The following VPS52 variants were observed in gnomAD, a reference collection of about 807,000 sequenced individuals.
VPS52 encodes VPS52 subunit of GARP complex.
In VPS52, 56 loss-of-function variants were observed where a neutral mutation model predicts 98.7. The observed-to-expected ratio is 0.57, with a 90% CI of 0.46 to 0.71. The LOEUF is 0.71. VPS52 is among the 30% of genes least tolerant of loss of function. VPS52 has a pLI of 0.00. For synonymous variants in VPS52, 348 were observed against 346.4 expected, an observed-to-expected ratio of 1.00 and a Z score of -0.05; for missense variants, 742 against 925.9, an observed-to-expected ratio of 0.80 and a Z score of 2.58.
At position 33,263,291 on chromosome 6, in the gene VPS52, A is replaced by T. The variant is rs562809762; in HGVS notation, c.1794+193T>A. 3.9e-3 allele frequency among the ~76,000 whole-genome samples: 580 copies of T among 150,064 alleles called. 4 individuals are homozygous for T. The highest frequency in any genetic ancestry group is 6.0e-3 in the Non-Finnish European group (403 of 67,542). On this transcript the variant is annotated intron_variant, in intron 17 of 19. Transcript: ENST00000445902. ...AAAAAAAAAAAAAAAAAAACCAAAG[A>T]CAAAATAAAATAAAATAGACCAATA...
Position 33,269,554 on chromosome 6 carries a change from A to G in VPS52, c.308T>C (p.Ile103Thr), listed in dbSNP as rs753837888. Residue 103 changes from isoleucine (I) to threonine (T), a missense_variant, in exon 5 of 20, where the codon ATT (isoleucine) becomes ACT (threonine). Coordinates refer to ENST00000445902, the MANE Select transcript of VPS52 (RefSeq NM_022553.6). ...QIEQKSIRDY[I>T]QESENIASLH... ...AGATGCTATATTCTCACTCTCTTGA[A>G]TATCTGATCCACAAAAAGTCAAGGG... 21 of 1,608,524 alleles carry G rather than the reference A, an allele frequency of 1.3e-5. No individual in the cohort carries two copies. The highest frequency in any genetic ancestry group is 8.5e-7 in the Non-Finnish European group (1 of 1,178,098).
At chr6:33,254,388 T>G (rs1762688602) in intron 17 of VPS52, among the ~76,000 whole-genome samples, 1 of 152,214 alleles carries the variant, frequency 6.6e-6, no homozygotes, top group Non-Finnish European at 1.5e-5. Context: ...CAAGGAAGGA[T>G]CTTTCTATAA....
intron 17 of VPS52, among the ~76,000 whole-genome samples, chr6:33,259,940 C>G (rs906856395): frequency 6.6e-6 from 1 of 152,136 alleles, no homozygotes; most frequent in East Asian, 1.9e-4. Flanking sequence ...AGCAAGACTA[C>G]TGTCCTAGGT....
intron 14 of VPS52, 60 bp from the exon 15 acceptor site, chr6:33,264,163 C>A: frequency 6.3e-7 from 1 of 1,596,180 alleles, no homozygotes; most frequent in Non-Finnish European, 8.6e-7. Flanking sequence ...CACAACCTCC[C>A]AACTTCCTTA....
chr6:33,267,092 G>T lies in VPS52; in HGVS notation c.1125+96C>A. ...CCCAAGTCTAAGGGGATTAAGACAG[G>T]GCCTGCAGGTTGGGAAGCTCTGCCC... On this transcript the variant is annotated intron_variant, in intron 11 of 19. Coordinates refer to ENST00000445902, the MANE Select transcript of VPS52 (RefSeq NM_022553.6). The surrounding 1 kb of genome is among the most constrained non-coding windows in gnomAD (Gnocchi z 4.2). 7.0e-7 allele frequency: 1 copy of T among 1,419,214 alleles called. No homozygotes were observed. The highest frequency in any genetic ancestry group is 9.3e-7 in the Non-Finnish European group (1 of 1,078,908). The allele number at this position is 1,419,214 out of a possible 1,614,324, so 87.9% of individuals were successfully genotyped here.
chr6:33,266,567 C>G lies in VPS52; in HGVS notation c.1271G>C (p.Ser424Thr), dbSNP rs751200515. ...LFHAVMGRTL[S>T]MTLKHLDSYL... The stretch of plus-strand genomic sequence containing the variant: ...AAACAGGAGTCTTACCAGGGTCATG[C>G]TGAGTGTACGGCCCATGACAGCATG... Residue 424 changes from serine to threonine, a missense_variant, in exon 12 of 20, where the codon AGC becomes ACC. By Grantham distance (58) the Ser-to-Thr change is moderately conservative. Transcript: ENST00000445902. The G allele has an allele frequency of 4.4e-6, 7 of 1,605,498 alleles. No individual in the cohort carries two copies. Among genetic ancestry groups the G allele is most frequent in the Non-Finnish European group, 5.1e-6 (6 of 1,175,754 alleles).
chr6:33,260,424 T>C (rs928261543), intron 17 of VPS52, among the ~76,000 whole-genome samples: 2 of 151,736 alleles, frequency 1.3e-5, no homozygotes, highest in African/African-American at 4.8e-5. Context: ...CATTAAAAAA[T>C]AAAACAACCC....
intron 17 of VPS52, among the ~76,000 whole-genome samples, chr6:33,259,156 T>A (rs1763352751): frequency 1.3e-5 from 2 of 152,282 alleles, no homozygotes; most frequent in South Asian, 4.1e-4. Flanking sequence ...CAGTAAAGAT[T>A]AATTGACAAA....
chr6:33,269,362 G>T (rs892666103), intron 5 of VPS52, 128 bp downstream of exon 5: 1 of 1,440,582 alleles, frequency 6.9e-7, no homozygotes, highest in Admixed American at 1.9e-5. Context: ...AACAAAAAAG[G>T]CTCCTGAAGT....
intron 16 of VPS52, 68 bp from the exon 17 acceptor site, chr6:33,263,617 A>G: frequency 6.2e-7 from 1 of 1,600,638 alleles, no homozygotes; most frequent in Non-Finnish European, 8.6e-7. Flanking sequence ...TGTCCCCTTC[A>G]TTCCACACTT....
At position 33,269,192 on chromosome 6, in the gene VPS52, G is replaced by A; in HGVS notation, c.373-3C>T. The A allele has an allele frequency of 6.2e-7, 1 of 1,613,026 alleles. No individual in the cohort carries two copies. Among genetic ancestry groups the A allele is most frequent in the Non-Finnish European group, 8.5e-7 (1 of 1,179,988 alleles). On this transcript the variant is annotated splice_polypyrimidine_tract_variant and splice_region_variant and intron_variant, in intron 5 of 19. Coordinates refer to ENST00000445902, the MANE Select transcript of VPS52 (RefSeq NM_022553.6). Reference sequence around the variant, plus strand: ...GCTCCCAACATCTGCTCCATTCGCTGTAGGGAGGGTAGATGTTGCCGGAGT... The same window carrying A: ...GCTCCCAACATCTGCTCCATTCGCTATAGGGAGGGTAGATGTTGCCGGAGT...
chr6:33,271,492 G>C (rs1030868102), intron 1 of VPS52, 94 bp downstream of exon 1: 30 of 1,515,256 alleles, frequency 2.0e-5, no homozygotes, highest in Non-Finnish European at 2.7e-5. Context: ...ACGGGTAGCA[G>C]CCAAGTTCCC....
chr6:33,253,583 T>C (rs972255735), intron 17 of VPS52, among the ~76,000 whole-genome samples: 3 of 151,826 alleles, frequency 2.0e-5, no homozygotes, highest in Non-Finnish European at 4.4e-5. Context: ...TGTGATAATG[T>C]ATTGTAGTTT....
chr6:33,262,040 C>CAAAAAAA (rs9257102), intron 17 of VPS52, among the ~76,000 whole-genome samples: 9 of 15,366 alleles, frequency 5.9e-4, no homozygotes, highest in African/African-American at 1.1e-3. Context: ...AACTCCATCT[C>CAAAAAAA]AAAAAAAAAA....
rs552299772 is a variant in VPS52, at chr6:33,266,672, A to G, written c.1166T>C (p.Leu389Pro). ...GTATTCGCGGCAGGAATTGTCTAGG[A>G]GGGCGTAGTGCTGGCTGCGGAAGAG... is the stretch of plus-strand genomic sequence containing the variant. Reference protein sequence around the residue: ...EALFRSQHYALLDNSCREYLF... With the variant: ...EALFRSQHYAPLDNSCREYLF... Residue 389 changes from leucine to proline, a missense_variant, in exon 12 of 20, where the codon CTC (leucine) becomes CCC (proline). Coordinates refer to ENST00000445902, the MANE Select transcript of VPS52 (RefSeq NM_022553.6). 7 of 1,612,858 alleles carry G rather than the reference A, an allele frequency of 4.3e-6. No individual in the cohort carries two copies. The Admixed American group carries it at 1.2e-4, about 27-fold the overall frequency.
At position 33,251,772 on chromosome 6, in the gene VPS52, A is replaced by AT. The variant is rs1189296514; in HGVS notation, c.1906+87dup. On this transcript the variant is annotated intron_variant, in intron 18 of 19. Transcript: ENST00000445902. ...CTCTCAATCCAGTCTTTCATACTCT[A>AT]TTCCCCCACCATGTAATCTGCATCC... 6 of 1,461,004 alleles carry AT rather than the reference A, an allele frequency of 4.1e-6. No homozygotes were observed. In the African/African-American group the frequency reaches 8.4e-5, roughly 20 times the overall value. 90.5% of individuals were successfully genotyped at this position (1,461,004 alleles called of 1,614,324 possible). A position where few individuals can be genotyped will look rare whatever the true frequency, so the allele number is the denominator to read the frequency against.
At chr6:33,260,483 A>T (rs1167819516) in intron 17 of VPS52, among the ~76,000 whole-genome samples, 2 of 152,004 alleles carry the variant, frequency 1.3e-5, no homozygotes, top group Admixed American at 6.6e-5. Context: ...TCACAAACAC[A>T]CCACACAATC....
Position 33,271,739 on chromosome 6 carries a change from C to T in VPS52, c.-64G>A. 1 of 1,541,408 alleles carries T rather than the reference C, an allele frequency of 6.5e-7. No individual in the cohort carries two copies. The highest frequency in any genetic ancestry group is 8.8e-7 in the Non-Finnish European group (1 of 1,142,024). On this transcript the variant is annotated 5_prime_UTR_variant, in exon 1 of 20. Transcript: ENST00000445902. ...GAGTCCGTTCCCCGGAGTGGAGCTA[C>T]AAGTCCCAAAGGGTCTTCCTCAGCG...
At chr6:33,262,040 CAAAAAAAAAAAA>C (rs9257102) in intron 17 of VPS52, among the ~76,000 whole-genome samples, 2 of 15,362 alleles carry the variant, frequency 1.3e-4, no homozygotes, top group African/African-American at 2.3e-4. Flanking sequence ...AACTCCATCT[CAAAAAAAAAAAA>C]AAAAAAAAAA....
Sources: gnomAD v4.1 joint callset for allele counts (sites outside exome capture counted in the v4.1 genomes callset) on GRCh38, gnomAD v4.1.1 for gene constraint, Gnocchi (gnomAD v3.1) non-coding constraint, MANE v1.5 for transcripts, NCBI Gene and HGNC (gene_info 2026-07-23, HGNC 2026-07-21) for gene names.